RCAN2: variants seen among roughly 807,000 people sequenced by gnomAD.
The protein encoded by RCAN2 is regulator of calcineurin 2, also known as calcipressin-2.
A neutral mutation model predicts 23.6 loss-of-function variants in RCAN2; 9 were observed. The observed-to-expected ratio is 0.38, with a 90% CI of 0.23 to 0.67. The LOEUF is 0.67. RCAN2 is among the 30% of genes least tolerant of loss of function. The probability of loss-of-function intolerance (pLI) is 0.51; values close to 1 mark genes in which losing one functional copy is unlikely to be tolerated. For synonymous variants in RCAN2, 109 were observed against 115.7 expected, an observed-to-expected ratio of 0.94 and a Z score of 0.37; for missense variants, 273 against 302.3, an observed-to-expected ratio of 0.90 and a Z score of 0.72.
At chr6:46,315,194 T>C (rs1474275335) in intron 2 of RCAN2, among the ~76,000 whole-genome samples, 1 of 152,010 alleles carries the variant, frequency 6.6e-6, no homozygotes, top group Admixed American at 6.6e-5. Context: ...CAAATGGGAG[T>C]CTATCATTCA....
intron 1 of RCAN2, among the ~76,000 whole-genome samples, chr6:46,457,393 A>G (rs1388516543): frequency 6.6e-6 from 1 of 152,172 alleles, no homozygotes; most frequent in Non-Finnish European, 1.5e-5. Flanking sequence ...TGGTACCAAT[A>G]TTTTCCCCAA....
At chr6:46,376,723 A>T (rs9395182) in intron 2 of RCAN2, among the ~76,000 whole-genome samples, 18 of 151,864 alleles carry the variant, frequency 1.2e-4, no homozygotes, top group African/African-American at 4.3e-4. Context: ...AACAAAAAAA[A>T]AAAACACGGT....
At chr6:46,424,611 T>C (rs1438255242) in intron 2 of RCAN2, among the ~76,000 whole-genome samples, 1 of 152,058 alleles carries the variant, frequency 6.6e-6, no homozygotes, top group Non-Finnish European at 1.5e-5. Context: ...CTTAGATCTG[T>C]GATATCTGCC....
intron 2 of RCAN2, among the ~76,000 whole-genome samples, chr6:46,428,690 G>C (rs1165921053): frequency 1.3e-5 from 2 of 152,138 alleles, no homozygotes; most frequent in African/African-American, 4.8e-5. Context: ...TCACCTTCCT[G>C]TACCTTCTCT....
chr6:46,438,293 A>G (rs1410379453), intron 2 of RCAN2: 1 of 152,282 alleles, frequency 6.6e-6, no homozygotes, highest in Non-Finnish European at 1.5e-5. Context: ...GACAGCAGCC[A>G]TTGAAGCATG....
intron 2 of RCAN2, among the ~76,000 whole-genome samples, chr6:46,440,309 G>A (rs968040120): frequency 4.6e-5 from 7 of 151,986 alleles, no homozygotes; most frequent in Non-Finnish European, 1.0e-4. Context: ...CCTGGAAGAT[G>A]TTGTTGTCAA....
intron 2 of RCAN2, among the ~76,000 whole-genome samples, chr6:46,289,557 C>T (rs556751142): frequency 2.6e-5 from 4 of 152,258 alleles, no homozygotes; most frequent in South Asian, 2.1e-4. Flanking sequence ...ATGGGTATCA[C>T]GCAGATACTT....
At chr6:46,253,362 G>T (rs116246371) in intron 2 of RCAN2, among the ~76,000 whole-genome samples, 1,821 of 152,254 alleles carry the variant, frequency 0.012, 38 homozygotes, top group African/African-American at 0.038. Flanking sequence ...TTGAGAAACT[G>T]TCTGCCAAAT....
intron 2 of RCAN2, among the ~76,000 whole-genome samples, chr6:46,268,612 G>A (rs1767420919): frequency 1.3e-5 from 2 of 152,132 alleles, no homozygotes. Context: ...GTCATTGACT[G>A]GCCAAATACG....
rs529727562 is a variant in RCAN2, at chr6:46,404,051, G to A, written c.225+52701C>T. ...AGCCTGGCCAACATGGTGAAATCCC[G>A]TCTCTACTAAAAATACAAAAATTAG... On this transcript the variant is annotated intron_variant, in intron 2 of 4. Coordinates refer to ENST00000371374, the MANE Select transcript of RCAN2 (RefSeq NM_001251974.2). Among the ~76,000 whole-genome samples, 85 of 152,140 alleles carry A rather than the reference G, an allele frequency of 5.6e-4. No homozygotes were observed. The South Asian group carries it at 0.015, about 27-fold the overall frequency.
chr6:46,370,079 C>T lies in RCAN2; in HGVS notation c.225+86673G>A, dbSNP rs926362497. On this transcript the variant is annotated intron_variant, in intron 2 of 4. Transcript: ENST00000371374. ...GGTTAACAGCTCTTAACTGACCATC[C>T]GGGGCTTGGTTTCTACCTGGCTACT... is the stretch of plus-strand genomic sequence containing the variant. Among the ~76,000 whole-genome samples, 11 of 152,230 alleles carry T rather than the reference C, an allele frequency of 7.2e-5. No individual in the cohort carries two copies. The East Asian group carries it at 7.7e-4, about 11-fold the overall frequency.
chr6:46,281,567 A>C (rs1381723299), intron 2 of RCAN2, among the ~76,000 whole-genome samples: 2 of 152,242 alleles, frequency 1.3e-5, no homozygotes, highest in African/African-American at 4.8e-5. Flanking sequence ...AAGGCTCACC[A>C]GTGATGTAGC....
At chr6:46,405,817 G>T (rs1766383991) in intron 2 of RCAN2, among the ~76,000 whole-genome samples, 1 of 152,236 alleles carries the variant, frequency 6.6e-6, no homozygotes, top group Non-Finnish European at 1.5e-5. Flanking sequence ...GGAGCAGGGG[G>T]TGGTGCTCCT....
chr6:46,471,980 G>C (rs749338800), intron 1 of RCAN2, among the ~76,000 whole-genome samples: 9 of 152,150 alleles, frequency 5.9e-5, no homozygotes, highest in Non-Finnish European at 1.0e-4. Flanking sequence ...AGGACTCGGC[G>C]ACTTGCACCT....
intron 2 of RCAN2, among the ~76,000 whole-genome samples, chr6:46,407,140 A>T (rs1766427905): frequency 6.6e-6 from 1 of 152,204 alleles, no homozygotes; most frequent in African/African-American, 2.4e-5. Context: ...TTGGTAAAGG[A>T]GCCATAGCCT....
intron 1 of RCAN2, among the ~76,000 whole-genome samples, chr6:46,485,746 A>C (rs1768974740): frequency 6.6e-6 from 1 of 151,942 alleles, no homozygotes; most frequent in Non-Finnish European, 1.5e-5. Flanking sequence ...GTTTATACTA[A>C]AACACCCCTC....
intron 2 of RCAN2, among the ~76,000 whole-genome samples, chr6:46,448,130 A>T (rs1767767117): frequency 6.6e-6 from 1 of 151,880 alleles, no homozygotes; most frequent in Admixed American, 6.6e-5. Flanking sequence ...ACTCAAATAA[A>T]ATCAGAAATG....
At chr6:46,288,529 T>G (rs963822964) in intron 2 of RCAN2, among the ~76,000 whole-genome samples, 1 of 152,246 alleles carries the variant, frequency 6.6e-6, no homozygotes, top group African/African-American at 2.4e-5. Context: ...TATGGATGAT[T>G]TGAGGCTAAA....
chr6:46,420,347 G>T (rs905655057), intron 2 of RCAN2, among the ~76,000 whole-genome samples: 3 of 152,080 alleles, frequency 2.0e-5, no homozygotes, highest in Non-Finnish European at 4.4e-5. Flanking sequence ...GCAAGGAGTG[G>T]TTCTGTATCT....
Sources: gnomAD v4.1 joint callset for allele counts (sites outside exome capture counted in the v4.1 genomes callset) on GRCh38, gnomAD v4.1.1 for gene constraint, MANE v1.5 for transcripts, NCBI Gene and HGNC (gene_info 2026-07-23, HGNC 2026-07-21) for gene names.